NWD2: variants seen among roughly 807,000 people sequenced by gnomAD.
NWD2 encodes the protein NACHT and WD repeat domain-containing protein 2.
Under a neutral mutation model 132.7 loss-of-function variants are expected in NWD2, and 37 were observed. The ratio of observed to expected loss-of-function variants is 0.28; its 90% confidence interval spans 0.21 to 0.37. The LOEUF (loss-of-function observed/expected upper bound fraction) is 0.37, where lower values mean the gene tolerates loss of function less well. Ranked by LOEUF, NWD2 falls within the 10% of genes least tolerant of loss-of-function variation. NWD2 has a pLI of 1.00. For synonymous variants in NWD2, 705 were observed against 803.0 expected (o/e 0.88, Z 2.06); for missense variants, 1,592 against 2,122.4 (o/e 0.75, Z 4.91).
At chr4:37,437,163 G>C (rs1712343609) in intron 5 of NWD2, among the ~76,000 whole-genome samples, 1 of 152,104 alleles carries the variant, frequency 6.6e-6, no homozygotes, top group Non-Finnish European at 1.5e-5. Context: ...GTTATGACCA[G>C]CATGTAATTT....
intron 2 of NWD2, among the ~76,000 whole-genome samples, chr4:37,327,696 T>G (rs764520724): frequency 7.9e-5 from 12 of 152,188 alleles, no homozygotes; most frequent in Non-Finnish European, 1.5e-4. Context: ...CTGAATCTTC[T>G]AAGAATATAC....
In NWD2 at chr4:37,445,848, A is replaced by T; in HGVS notation, c.3860A>T (p.Asn1287Ile). ...IVKLVKSSHH[N>I]MLLSLSTSGV... ...AAGTTAGTGAAATCCAGTCACCACA[A>T]TATGCTACTGTCTTTATCAACCAGT... The change falls in exon 7 of 7, where the codon AAT becomes ATT. Residue 1287 changes from asparagine to isoleucine, a missense_variant. Coordinates refer to ENST00000309447, the MANE Select transcript of NWD2 (RefSeq NM_001144990.2). The surrounding 1 kb of genome is among the most constrained non-coding windows in gnomAD (Gnocchi z 4.7). The T allele has an allele frequency of 1.3e-6, 2 of 1,552,038 alleles. No homozygotes were observed. The highest frequency in any genetic ancestry group is 1.7e-6 in the Non-Finnish European group (2 of 1,147,060).
At chr4:37,424,449 T>C (rs1711931669) in intron 3 of NWD2, among the ~76,000 whole-genome samples, 1 of 152,180 alleles carries the variant, frequency 6.6e-6, no homozygotes, top group Non-Finnish European at 1.5e-5. Flanking sequence ...ACTTCACAGA[T>C]TCTTGAGTGT....
At chr4:37,284,442 G>C (rs1718186578) in intron 1 of NWD2, among the ~76,000 whole-genome samples, 1 of 152,176 alleles carries the variant, frequency 6.6e-6, no homozygotes, top group African/African-American at 2.4e-5. Context: ...ATCCCATCCA[G>C]AGTCCAGAAT....
intron 1 of NWD2, among the ~76,000 whole-genome samples, chr4:37,293,565 T>C (rs1718407600): frequency 1.3e-5 from 2 of 152,264 alleles, no homozygotes; most frequent in Non-Finnish European, 1.5e-5. Context: ...ATATTTTATA[T>C]GTTGCCAAAA....
At chr4:37,380,866 C>A (rs1028350561) in intron 3 of NWD2, among the ~76,000 whole-genome samples, 2 of 152,126 alleles carry the variant, frequency 1.3e-5, no homozygotes, top group African/African-American at 4.8e-5. Flanking sequence ...GATAAACGTT[C>A]CCCCCAGTCT....
At chr4:37,410,223 G>A (rs1224848277) in intron 3 of NWD2, among the ~76,000 whole-genome samples, 1 of 152,126 alleles carries the variant, frequency 6.6e-6, no homozygotes. Context: ...TGGATAAAGA[G>A]TCAAGACCCA....
chr4:37,445,580 T>G lies in NWD2; in HGVS notation c.3592T>G (p.Ser1198Ala). Residue 1198 changes from serine to alanine, a missense_variant, in exon 7 of 7, where the codon TCA (serine) becomes GCA (alanine). By Grantham distance (99) the Ser-to-Ala change is moderately conservative. This residue lies in a region of NWD2 where 1,071 missense variants were observed against 1,398.0 expected (regional missense o/e 0.77). Transcript: ENST00000309447. This position sits in a 1 kb window ranked among gnomAD's most constrained non-coding sequence, Gnocchi z 4.7. The part of the protein sequence containing the change: ...EDSEVVSIEL[S>A]EDQSAVLICK... ...CAGTGAGGTGGTCAGCATTGAGCTTTCAGAAGACCAAAGTGCAGTTCTGAT... is the reference window on the plus strand; with the variant it reads ...CAGTGAGGTGGTCAGCATTGAGCTTGCAGAAGACCAAAGTGCAGTTCTGAT... 6.4e-7 allele frequency: 1 copy of G among 1,552,246 alleles called. No individual in the cohort carries two copies. The highest frequency in any genetic ancestry group is 8.7e-7 in the Non-Finnish European group (1 of 1,147,124).
chr4:37,365,048 T>C (rs1299890654), intron 3 of NWD2, among the ~76,000 whole-genome samples: 1 of 152,216 alleles, frequency 6.6e-6, no homozygotes. Flanking sequence ...ACTTATAGCA[T>C]ATAGGTCAGT....
chr4:37,310,968 ATT>A (rs1227746258), intron 1 of NWD2, among the ~76,000 whole-genome samples: 1 of 151,656 alleles, frequency 6.6e-6, no homozygotes, highest in Non-Finnish European at 1.5e-5. Context: ...TGAACTCATC[ATT>A]TTTTATGGCT....
In NWD2 at chr4:37,444,277, T is replaced by C. The variant is rs954017085; in HGVS notation, c.2289T>C (p.Phe763=). ...REMHTILADY[F]LGVWSGGRRK... ...TGCACACCATCTTAGCAGATTATTTTCTGGGGGTTTGGTCAGGGGGCAGGA... is the reference window on the plus strand; with the variant it reads ...TGCACACCATCTTAGCAGATTATTTCCTGGGGGTTTGGTCAGGGGGCAGGA... The change falls in exon 7 of 7, where the codon TTT becomes TTC. Residue 763 remains phenylalanine, a synonymous_variant. Transcript: ENST00000309447. This position sits in a 1 kb window ranked among gnomAD's most constrained non-coding sequence, Gnocchi z 4.8. 2 of 1,551,560 alleles carry C rather than the reference T, an allele frequency of 1.3e-6. No homozygotes were observed. Among genetic ancestry groups the C allele is most frequent in the African/African-American group, 2.7e-5 (2 of 73,046 alleles).
chr4:37,308,294 A>G (rs1348024652), intron 1 of NWD2, among the ~76,000 whole-genome samples: 1 of 151,954 alleles, frequency 6.6e-6, no homozygotes, highest in Non-Finnish European at 1.5e-5. Flanking sequence ...AATTGAATAG[A>G]GTGCTTTGAC....
intron 3 of NWD2, among the ~76,000 whole-genome samples, chr4:37,413,620 G>C (rs559644883): frequency 1.3e-5 from 2 of 152,130 alleles, no homozygotes; most frequent in African/African-American, 4.8e-5. Flanking sequence ...CCCATTACTG[G>C]GTATATACCC....
intron 1 of NWD2, among the ~76,000 whole-genome samples, chr4:37,278,265 T>G (rs1718064891): frequency 6.6e-6 from 1 of 152,202 alleles, no homozygotes; most frequent in Admixed American, 6.5e-5. Flanking sequence ...CTGCATGTGC[T>G]CTCAGCCATA....
chr4:37,348,675 T>TACACACACACACAC (rs1172614596), intron 2 of NWD2, among the ~76,000 whole-genome samples: 60 of 22,568 alleles, frequency 2.7e-3, no homozygotes, highest in African/African-American at 9.6e-3. Flanking sequence ...TATATATATA[T>TACACACACACACAC]ACACACACAC....
intron 2 of NWD2, among the ~76,000 whole-genome samples, chr4:37,346,081 CA>C (rs1198830447): frequency 0.018 from 1,698 of 92,142 alleles, 15 homozygotes; most frequent in African/African-American, 0.048. Context: ...TACTCTGTCT[CA>C]AAAAAAAAAA....
At chr4:37,425,331 A>G (rs1711971149) in intron 3 of NWD2, among the ~76,000 whole-genome samples, 2 of 152,180 alleles carry the variant, frequency 1.3e-5, no homozygotes, top group South Asian at 4.1e-4. Flanking sequence ...AATTTTTCTT[A>G]GATTTTTCAG....
intron 2 of NWD2, among the ~76,000 whole-genome samples, chr4:37,342,247 G>A (rs540221459): frequency 6.6e-6 from 1 of 152,084 alleles, no homozygotes; most frequent in Non-Finnish European, 1.5e-5. Flanking sequence ...GCTATTTAAA[G>A]AGGCTGGCAG....
At chr4:37,354,334 T>A (rs1043888781) in intron 2 of NWD2, among the ~76,000 whole-genome samples, 1 of 152,210 alleles carries the variant, frequency 6.6e-6, no homozygotes, top group East Asian at 1.9e-4. Flanking sequence ...AGGGACCCAC[T>A]TGAGGAGGCA....
Sources: allele counts gnomAD v4.1 joint callset (sites outside exome capture counted in the v4.1 genomes callset), GRCh38; gene constraint gnomAD v4.1.1; regional missense constraint gnomAD v4.1.1; non-coding constraint Gnocchi (gnomAD v3.1); transcripts MANE v1.5; gene names NCBI Gene and HGNC (gene_info 2026-07-23, HGNC 2026-07-21).